SV2C: variants seen among roughly 807,000 people sequenced by gnomAD.
The protein encoded by SV2C is solute carrier family 22 member B3.
In SV2C, 49 loss-of-function variants were observed where a neutral mutation model predicts 79.7. The ratio of observed to expected loss-of-function variants is 0.61; its 90% confidence interval spans 0.49 to 0.78. SV2C has a LOEUF of 0.78. Ranked by LOEUF, SV2C falls within the 30% of genes least tolerant of loss-of-function variation. SV2C has a pLI of 0.00. For missense variants in SV2C, 833 were observed against 912.9 expected, an observed-to-expected ratio of 0.91 and a Z score of 1.13; for synonymous variants, 334 against 333.2, an observed-to-expected ratio of 1.00 and a Z score of -0.03.
At chr5:76,272,356 T>C (rs950402458) in intron 4 of SV2C, among the ~76,000 whole-genome samples, 2 of 152,234 alleles carry the variant, frequency 1.3e-5, no homozygotes, top group Non-Finnish European at 2.9e-5. Context: ...AGAGCTTTTG[T>C]TGATCATGAG....
At chr5:76,269,896 G>A (rs921994898) in intron 4 of SV2C, among the ~76,000 whole-genome samples, 14 of 152,284 alleles carry the variant, frequency 9.2e-5, no homozygotes, top group African/African-American at 3.4e-4. Context: ...CATAGCCCTA[G>A]AAAACCGTTC....
At chr5:76,017,652 A>T in the SV2C span, among the ~76,000 whole-genome samples, 1 of 152,136 alleles carries the variant, frequency 6.6e-6, no homozygotes, top group African/African-American at 2.4e-5. Flanking sequence ...ATTTCTTCTG[A>T]AACTTCATTA....
chr5:76,301,330 C>G, intron 11 of SV2C, 56 bp from the exon 12 acceptor site: 1 of 1,601,896 alleles, frequency 6.2e-7, no homozygotes. Context: ...CCCAAGGGTT[C>G]TTGCTTTACT....
At position 76,300,817 on chromosome 5, in the gene SV2C, TGACTA is replaced by T. The variant is rs767962520; in HGVS notation, c.1726_1730del (p.Asp576Ter). 1.2e-6 allele frequency: 2 copies of T among 1,614,198 alleles called. No individual in the cohort carries two copies. Among genetic ancestry groups the T allele is most frequent in the Admixed American group, 3.3e-5 (2 of 60,030 alleles). ...CGGGATGTCAGATTACCTTTGATGATGACTATAGTGCCTACTGGATTTATTTTGTC... is the reference window on the plus strand; with the variant it reads ...CGGGATGTCAGATTACCTTTGATGATTAGTGCCTACTGGATTTATTTTGTC... On this transcript the variant is annotated frameshift_variant, in exon 11 of 13. Coordinates refer to ENST00000502798, the MANE Select transcript of SV2C (RefSeq NM_014979.4). LOFTEE classifies it high-confidence loss of function.
the SV2C span, among the ~76,000 whole-genome samples, chr5:76,061,482 A>C: frequency 6.6e-6 from 1 of 152,058 alleles, no homozygotes; most frequent in African/African-American, 2.4e-5. Flanking sequence ...AATTTCTAAT[A>C]ATTTCTCAAA....
At chr5:76,186,829 T>C (rs1743935410) in intron 2 of SV2C, among the ~76,000 whole-genome samples, 1 of 152,096 alleles carries the variant, frequency 6.6e-6, no homozygotes, top group African/African-American at 2.4e-5. Context: ...GGGAAGCCCC[T>C]TATAAAATCA....
At chr5:76,296,096 A>G in intron 9 of SV2C, 154 bp downstream of exon 9, 1 of 650,974 alleles carries the variant, frequency 1.5e-6, no homozygotes, top group Non-Finnish European at 2.4e-6. Flanking sequence ...ACTTCTTAAT[A>G]GGCTTTAAAT....
chr5:75,989,305 C>A, the SV2C span, among the ~76,000 whole-genome samples: 103 of 151,698 alleles, frequency 6.8e-4, no homozygotes, highest in African/African-American at 2.4e-3. Flanking sequence ...GTCCCTCCTC[C>A]CCTCGACTCT....
the SV2C span, among the ~76,000 whole-genome samples, chr5:76,000,068 T>C: frequency 6.6e-6 from 1 of 152,236 alleles, no homozygotes; most frequent in East Asian, 1.9e-4. Context: ...CTAAACAAAC[T>C]GGTTGATGTC....
chr5:76,227,000 A>G (rs1049493179), intron 4 of SV2C, among the ~76,000 whole-genome samples: 7 of 152,114 alleles, frequency 4.6e-5, no homozygotes, highest in Non-Finnish European at 1.0e-4. Context: ...TCAGACAGAG[A>G]TTGGAAGTGA....
chr5:76,082,199 G>A (rs1271223471), upstream of SV2C: 3 of 152,310 alleles, frequency 2.0e-5, no homozygotes, highest in Non-Finnish European at 1.5e-5. Flanking sequence ...GGAGCCGGAG[G>A]AGTCAGGGAC....
chr5:76,138,594 G>A (rs1220278084), intron 2 of SV2C, among the ~76,000 whole-genome samples: 1 of 152,158 alleles, frequency 6.6e-6, no homozygotes, highest in Non-Finnish European at 1.5e-5. Flanking sequence ...AGCCCATAGT[G>A]CAAAGTCATC....
chr5:76,187,218 G>C (rs927038872), intron 2 of SV2C, among the ~76,000 whole-genome samples: 2 of 152,164 alleles, frequency 1.3e-5, no homozygotes, highest in Non-Finnish European at 2.9e-5. Context: ...TGTCTGATGG[G>C]CATGCTGTAC....
chr5:76,341,709 GAC>G (rs1271182401), intron 12 of SV2C, among the ~76,000 whole-genome samples: 1 of 152,144 alleles, frequency 6.6e-6, no homozygotes, highest in African/African-American at 2.4e-5. Context: ...CAATGTGCCT[GAC>G]ACACAAATTC....
chr5:75,901,703 G>C, the SV2C span, among the ~76,000 whole-genome samples: 523 of 152,362 alleles, frequency 3.4e-3, 2 homozygotes, highest in African/African-American at 0.012. Flanking sequence ...GGAGCCTACA[G>C]AGGCAGGCAG....
At chr5:76,059,802 C>T in the SV2C span, among the ~76,000 whole-genome samples, 4 of 152,144 alleles carry the variant, frequency 2.6e-5, no homozygotes, top group Admixed American at 6.6e-5. Flanking sequence ...TTACTTTGCC[C>T]AGAACTCTCA....
At chr5:76,059,888 ACT>A in the SV2C span, among the ~76,000 whole-genome samples, 1 of 152,070 alleles carries the variant, frequency 6.6e-6, no homozygotes, top group South Asian at 2.1e-4. Context: ...AACTGAAGTG[ACT>A]CTGATCTGTG....
the SV2C span, among the ~76,000 whole-genome samples, chr5:76,049,332 A>G: frequency 2.0e-5 from 3 of 151,050 alleles, no homozygotes; most frequent in South Asian, 2.1e-4. Flanking sequence ...GCGAAAAAAA[A>G]AAAAAAGAAA....
intron 2 of SV2C, among the ~76,000 whole-genome samples, chr5:76,160,913 C>G (rs923325469): frequency 9.2e-5 from 14 of 151,566 alleles, no homozygotes; most frequent in Non-Finnish European, 1.3e-4. Context: ...AAATTGAAAC[C>G]CTCACACACT....
Sources: allele counts gnomAD v4.1 joint callset (sites outside exome capture counted in the v4.1 genomes callset), GRCh38; gene constraint gnomAD v4.1.1; transcripts MANE v1.5; gene names NCBI Gene and HGNC (gene_info 2026-07-23, HGNC 2026-07-21).